DSCAM: variants seen among roughly 807,000 people sequenced by gnomAD.
DSCAM encodes DS cell adhesion molecule, also known as cell adhesion molecule DSCAM.
A neutral mutation model predicts 217.7 loss-of-function variants in DSCAM; 47 were observed. The ratio of observed to expected loss-of-function variants is 0.22; its 90% CI spans 0.17 to 0.28. The LOEUF is 0.28. Among genes scored for constraint, DSCAM ranks in the 10% least tolerant of loss-of-function variants. DSCAM has a pLI of 1.00. For synonymous variants in DSCAM, 1,056 were observed against 1,015.3 expected, an observed-to-expected ratio of 1.04 and a Z score of -0.76; for missense variants, 2,080 against 2,618.3, an observed-to-expected ratio of 0.79 and a Z score of 4.49.
At chr21:40,058,342 T>G (rs1015479722) in intron 28 of DSCAM, among the ~76,000 whole-genome samples, 2 of 152,138 alleles carry the variant, frequency 1.3e-5, no homozygotes, top group Non-Finnish European at 2.9e-5. Context: ...ACGTCTTCTG[T>G]GTCCTGTCCC....
chr21:40,604,633 C>A (rs533395424), intron 3 of DSCAM, among the ~76,000 whole-genome samples: 1 of 152,280 alleles, frequency 6.6e-6, no homozygotes, highest in Non-Finnish European at 1.5e-5. Flanking sequence ...CTTTATCTCA[C>A]TTTTCTCTCT....
At chr21:40,640,850 C>CCA (rs112732293) in intron 3 of DSCAM, among the ~76,000 whole-genome samples, 14,303 of 151,998 alleles carry the variant, frequency 0.094, 864 homozygotes, top group Admixed American at 0.18. Context: ...CACAAAAACA[C>CCA]CACACGCACA....
At chr21:40,018,555 AC>A (rs1209208103) in intron 32 of DSCAM, among the ~76,000 whole-genome samples, 1 of 152,060 alleles carries the variant, frequency 6.6e-6, no homozygotes, top group Non-Finnish European at 1.5e-5. Context: ...TATTTTAGTG[AC>A]TCCCCATTGA....
At chr21:40,689,238 A>C (rs2090514463) in intron 3 of DSCAM, among the ~76,000 whole-genome samples, 1 of 152,256 alleles carries the variant, frequency 6.6e-6, no homozygotes, top group Admixed American at 6.5e-5. Flanking sequence ...GAATTTGTAG[A>C]AGACAAATAC....
chr21:40,403,394 C>T (rs1024517144), intron 3 of DSCAM, among the ~76,000 whole-genome samples: 1 of 151,626 alleles, frequency 6.6e-6, no homozygotes, highest in Non-Finnish European at 1.5e-5. Context: ...GCCTCCTGGG[C>T]TCAAGTGATC....
At chr21:40,021,307 C>T (rs1248789721) in intron 32 of DSCAM, among the ~76,000 whole-genome samples, 1 of 149,454 alleles carries the variant, frequency 6.7e-6, no homozygotes, top group Non-Finnish European at 1.5e-5. Flanking sequence ...AAAAGGGGAA[C>T]ATGGTAACCA....
intron 3 of DSCAM, among the ~76,000 whole-genome samples, chr21:40,480,578 A>C (rs58626665): frequency 2.0e-5 from 3 of 152,348 alleles, no homozygotes; most frequent in African/African-American, 7.2e-5. Context: ...TCTCACGTAC[A>C]TTCTGTATTG....
At chr21:40,464,641 T>A (rs754375220) in intron 3 of DSCAM, among the ~76,000 whole-genome samples, 9 of 152,310 alleles carry the variant, frequency 5.9e-5, no homozygotes, top group Admixed American at 3.9e-4. Flanking sequence ...TTCTACCCAC[T>A]TTCCTCCATC....
At chr21:40,765,503 C>A (rs564770826) in intron 1 of DSCAM, among the ~76,000 whole-genome samples, 1 of 152,222 alleles carries the variant, frequency 6.6e-6, no homozygotes, top group African/African-American at 2.4e-5. Flanking sequence ...AGTGATATTT[C>A]CATTCAAGGA....
rs185749332 is a variant in DSCAM at position 40,356,152 on chromosome 21, G to A, written c.656-2409C>T. On this transcript the variant is annotated intron_variant, in intron 4 of 32. Coordinates refer to ENST00000400454, the MANE Select transcript of DSCAM (RefSeq NM_001389.5). ...TTCCTTTGGATATATACCCAGAGTG[G>A]GATTGCTAGATCATATGGTAGGTAA... Among the ~76,000 whole-genome samples, 15 of 152,122 alleles carry A rather than the reference G, an allele frequency of 9.9e-5. No individual in the cohort carries two copies. In the East Asian group the frequency reaches 2.9e-3, roughly 29 times the overall value.
At chr21:40,171,136 G>A (rs1309826629) in intron 15 of DSCAM, among the ~76,000 whole-genome samples, 1 of 152,136 alleles carries the variant, frequency 6.6e-6, no homozygotes, top group Non-Finnish European at 1.5e-5. Context: ...AGAATGCAGT[G>A]GCACTATCTC....
chr21:40,752,368 C>T (rs999644716), intron 1 of DSCAM, among the ~76,000 whole-genome samples: 5 of 152,290 alleles, frequency 3.3e-5, no homozygotes, highest in African/African-American at 9.6e-5. Context: ...TTGGAATCCA[C>T]ACACATTCCT....
intron 1 of DSCAM, among the ~76,000 whole-genome samples, chr21:40,717,924 T>C (rs142109711): frequency 6.6e-6 from 1 of 152,268 alleles, no homozygotes; most frequent in African/African-American, 2.4e-5. Flanking sequence ...GAGAGAAGAC[T>C]GCAGGCAGAA....
intron 3 of DSCAM, among the ~76,000 whole-genome samples, chr21:40,479,135 G>C (rs7280353): frequency 0.77 from 116,822 of 152,080 alleles, 45,355 homozygotes; most frequent in African/African-American, 0.88. Context: ...GCATTTCAAC[G>C]TCTAAGTAAT....
intron 3 of DSCAM, chr21:40,621,220 CT>C (rs1234143929): frequency 6.6e-6 from 1 of 152,068 alleles, no homozygotes; most frequent in Non-Finnish European, 1.5e-5. Context: ...TAAATTATAT[CT>C]TTATAACTAC....
chr21:40,732,858 T>A (rs577121631), intron 1 of DSCAM, among the ~76,000 whole-genome samples: 1 of 152,242 alleles, frequency 6.6e-6, no homozygotes, highest in African/African-American at 2.4e-5. Flanking sequence ...ACGGATATGA[T>A]GATCACTTGC....
At chr21:40,635,587 G>T (rs1225401218) in intron 3 of DSCAM, among the ~76,000 whole-genome samples, 1 of 152,194 alleles carries the variant, frequency 6.6e-6, no homozygotes, top group Non-Finnish European at 1.5e-5. Flanking sequence ...GTGCATGTGT[G>T]TGCATGTGTG....
intron 1 of DSCAM, among the ~76,000 whole-genome samples, chr21:40,737,283 A>G (rs1218275013): frequency 6.6e-6 from 1 of 152,236 alleles, no homozygotes; most frequent in Non-Finnish European, 1.5e-5. Context: ...AAATAGAGAC[A>G]CACAGCTTTA....
intron 3 of DSCAM, among the ~76,000 whole-genome samples, chr21:40,691,422 C>G (rs1221934716): frequency 6.6e-6 from 1 of 152,354 alleles, no homozygotes; most frequent in African/African-American, 2.4e-5. Flanking sequence ...AACCTATACT[C>G]CCTTGCCATA....
Sources: gnomAD v4.1 joint callset for allele counts (sites outside exome capture counted in the v4.1 genomes callset) on GRCh38, gnomAD v4.1.1 for gene constraint, MANE v1.5 for transcripts, NCBI Gene and HGNC (gene_info 2026-07-23, HGNC 2026-07-21) for gene names.